The following KCNQ5 variants were observed in gnomAD, a reference collection of about 807,000 sequenced individuals.
KCNQ5 encodes potassium voltage-gated channel subfamily KQT member 5.
A neutral mutation model predicts 98.2 loss-of-function variants in KCNQ5; 30 were observed. The observed-to-expected ratio is 0.31, with a 90% CI of 0.23 to 0.41. The LOEUF (loss-of-function observed/expected upper bound fraction) is 0.41. KCNQ5 is among the 10% of genes least tolerant of loss of function. KCNQ5 has a pLI of 1.00. For missense variants in KCNQ5, 835 were observed against 1,182.5 expected (o/e 0.71, Z 4.31); for synonymous variants, 458 against 449.4 (o/e 1.02, Z -0.24).
chr6:73,022,427 AAGCCAAG>A (rs1770649648), intron 2 of KCNQ5, among the ~76,000 whole-genome samples: 4 of 152,136 alleles, frequency 2.6e-5, no homozygotes, highest in Admixed American at 6.5e-5. Context: ...GGAACACTTA[AAGCCAAG>A]AGCCCGAGAC....
chr6:73,172,693 C>G (rs945195203), intron 11 of KCNQ5, among the ~76,000 whole-genome samples: 2 of 152,174 alleles, frequency 1.3e-5, no homozygotes, highest in African/African-American at 4.8e-5. Context: ...ATGTATATTA[C>G]AGATTGCAGG....
intron 13 of KCNQ5, among the ~76,000 whole-genome samples, chr6:73,192,926 G>T (rs897246373): frequency 2.6e-5 from 4 of 151,702 alleles, no homozygotes; most frequent in Non-Finnish European, 5.9e-5. Context: ...AACAACTATA[G>T]ATTTCCAATA....
chr6:72,664,997 G>A (rs1248296590), intron 1 of KCNQ5, among the ~76,000 whole-genome samples: 3 of 152,136 alleles, frequency 2.0e-5, no homozygotes, highest in African/African-American at 7.2e-5. Context: ...TAGTTTACAA[G>A]TACAAATATA....
chr6:73,157,059 C>T (rs1010928033), intron 10 of KCNQ5, among the ~76,000 whole-genome samples: 4 of 152,128 alleles, frequency 2.6e-5, no homozygotes, highest in Non-Finnish European at 4.4e-5. Flanking sequence ...GATGAACCAC[C>T]GGGGGCCAGG....
chr6:72,720,305 A>G (rs1582167304), intron 1 of KCNQ5, among the ~76,000 whole-genome samples: 1 of 152,230 alleles, frequency 6.6e-6, no homozygotes, highest in African/African-American at 2.4e-5. Flanking sequence ...TTTACATTAT[A>G]CTTAAAAAGA....
Position 72,747,851 on chromosome 6 carries a change from G to A in KCNQ5, c.398+125264G>A, listed in dbSNP as rs112565557. 1.8e-3 allele frequency among the ~76,000 whole-genome samples: 270 copies of A among 152,250 alleles called. 1 individual carries two copies. The highest frequency in any genetic ancestry group is 6.1e-3 in the African/African-American group (255 of 41,556). ...TCAACAGGGTTGTTAAATTGGTAAA[G>A]CAAGATCCTACTAGGTTTATAAATA... On this transcript the variant is annotated intron_variant, in intron 1 of 13. Transcript: ENST00000370398.
intron 10 of KCNQ5, among the ~76,000 whole-genome samples, chr6:73,167,577 T>G (rs1777854330): frequency 1.3e-5 from 2 of 152,222 alleles, no homozygotes; most frequent in South Asian, 4.1e-4. Flanking sequence ...AAAGTTGCTC[T>G]GAGTATGAAA....
intron 1 of KCNQ5, among the ~76,000 whole-genome samples, chr6:72,707,263 A>AT (rs1454080249): frequency 6.6e-6 from 1 of 152,160 alleles, no homozygotes; most frequent in Non-Finnish European, 1.5e-5. Flanking sequence ...GTTGATTAAT[A>AT]CTCTTTTAAA....
At chr6:72,768,498 G>A (rs1772688518) in intron 1 of KCNQ5, among the ~76,000 whole-genome samples, 1 of 151,988 alleles carries the variant, frequency 6.6e-6, no homozygotes, top group Admixed American at 6.6e-5. Context: ...TTTGCTTTTT[G>A]ATGTGACTGT....
In KCNQ5 at chr6:72,959,337, T is replaced by C. The variant is rs1767229549; in HGVS notation, c.399-44571T>C. Among the ~76,000 whole-genome samples the C allele has an allele frequency of 2.0e-5, 3 of 152,332 alleles. No homozygotes were observed. In the South Asian group the frequency reaches 6.2e-4, roughly 32 times the overall value. On this transcript the variant is annotated intron_variant, in intron 1 of 13. Transcript: ENST00000370398. ...ATATGCATCAAACTAATACCAACTT[T>C]CATATTTGGGCAAGGAAAGGAAGAG...
At chr6:72,629,542 C>T (rs542825278) in intron 1 of KCNQ5, among the ~76,000 whole-genome samples, 3 of 152,050 alleles carry the variant, frequency 2.0e-5, no homozygotes, top group Non-Finnish European at 4.4e-5. Context: ...CAAAATGAAA[C>T]GAAGGACTGA....
intron 1 of KCNQ5, chr6:72,987,787 G>C: frequency 2.4e-6 from 1 of 422,382 alleles, no homozygotes; most frequent in Admixed American, 3.1e-5. Context: ...TGCCACAATT[G>C]CTTTGATTAT....
intron 1 of KCNQ5, among the ~76,000 whole-genome samples, chr6:72,726,273 C>A (rs541650028): frequency 6.7e-6 from 1 of 148,600 alleles, no homozygotes; most frequent in African/African-American, 2.5e-5. Context: ...TGCAGTGGCG[C>A]GATCTCGGCT....
At chr6:72,818,489 A>G (rs1264054229) in intron 1 of KCNQ5, among the ~76,000 whole-genome samples, 1 of 152,034 alleles carries the variant, frequency 6.6e-6, no homozygotes, top group African/African-American at 2.4e-5. Flanking sequence ...CCTATGTGAC[A>G]ATCTTAATTA....
chr6:72,636,332 G>T (rs1225027146), intron 1 of KCNQ5, among the ~76,000 whole-genome samples: 1 of 152,138 alleles, frequency 6.6e-6, no homozygotes, highest in Non-Finnish European at 1.5e-5. Flanking sequence ...GCATCACAGA[G>T]CTGTACTTTT....
chr6:73,078,176 A>G (rs563585656), intron 5 of KCNQ5, among the ~76,000 whole-genome samples: 1 of 151,646 alleles, frequency 6.6e-6, no homozygotes. Context: ...TGATTAAAAC[A>G]TTGATAGTTT....
chr6:73,127,091 G>A (rs1399198069), intron 9 of KCNQ5, among the ~76,000 whole-genome samples: 1 of 152,098 alleles, frequency 6.6e-6, no homozygotes, highest in Non-Finnish European at 1.5e-5. Flanking sequence ...AATGCAGAAA[G>A]GCTATTGTAA....
intron 1 of KCNQ5, among the ~76,000 whole-genome samples, chr6:72,803,416 A>G (rs1176910025): frequency 6.6e-6 from 1 of 152,146 alleles, no homozygotes; most frequent in Middle Eastern, 3.2e-3. Context: ...AAATTTCTCC[A>G]AGGACCTTAG....
intron 1 of KCNQ5, among the ~76,000 whole-genome samples, chr6:72,793,053 T>C (rs368669575): frequency 6.6e-6 from 1 of 152,348 alleles, no homozygotes; most frequent in South Asian, 2.1e-4. Flanking sequence ...AGGCATTATA[T>C]GGCAAGAGAG....
Sources: gnomAD v4.1 joint callset for allele counts (sites outside exome capture counted in the v4.1 genomes callset) on GRCh38, gnomAD v4.1.1 for gene constraint, MANE v1.5 for transcripts, NCBI Gene and HGNC (gene_info 2026-07-23, HGNC 2026-07-21) for gene names.